PRDM16: variants seen among roughly 807,000 people sequenced by gnomAD.
The protein encoded by PRDM16 is PR/SET domain 16.
Under a neutral mutation model 110.6 loss-of-function variants are expected in PRDM16, and 23 were observed. The observed-to-expected ratio is 0.21, with a 90% confidence interval of 0.15 to 0.29. The LOEUF (loss-of-function observed/expected upper bound fraction) is 0.29. PRDM16 is among the 10% of genes least tolerant of loss of function. PRDM16 has a pLI of 1.00. For synonymous variants in PRDM16, 799 were observed against 781.8 expected (o/e 1.02, Z -0.37); for missense variants, 1,615 against 1,794.3 (o/e 0.90, Z 1.81).
intron 1 of PRDM16, among the ~76,000 whole-genome samples, chr1:3,163,555 C>G (rs1372316227): frequency 6.6e-6 from 1 of 152,190 alleles, no homozygotes; most frequent in Non-Finnish European, 1.5e-5. Flanking sequence ...ACCGGGTACC[C>G]CAGCCTGAGT....
At chr1:3,181,067 CACACCCGGTCTT>C (rs1168724607) in intron 1 of PRDM16, among the ~76,000 whole-genome samples, 7 of 147,060 alleles carry the variant, frequency 4.8e-5, no homozygotes, top group Admixed American at 1.4e-4. Context: ...CGCGGTCTTA[CACACCCGGTCTT>C]ACACACGGCC....
At chr1:3,395,561 C>T (rs1277845237) in intron 4 of PRDM16, among the ~76,000 whole-genome samples, 1 of 152,176 alleles carries the variant, frequency 6.6e-6, no homozygotes, top group Non-Finnish European at 1.5e-5. Flanking sequence ...GCAGGGTGGG[C>T]AGTGACTCCC....
chr1:3,181,733 CTTACACACGG>C (rs1212154754), intron 1 of PRDM16, among the ~76,000 whole-genome samples: 32 of 147,534 alleles, frequency 2.2e-4, no homozygotes, highest in African/African-American at 3.8e-4. Context: ...TACACACGGT[CTTACACACGG>C]AGTCTTACAC....
At position 3,300,189 on chromosome 1, in the gene PRDM16, C is replaced by T. The variant is rs1171724561; in HGVS notation, c.438+56052C>T. Among the ~76,000 whole-genome samples the T allele has an allele frequency of 2.0e-5, 2 of 100,708 alleles. 1 individual carries two copies. The highest frequency in any genetic ancestry group is 4.5e-5 in the Non-Finnish European group (2 of 44,408). The allele number at this position is 100,708 out of a possible 152,430, so 66.1% of individuals were successfully genotyped here. A position where few individuals can be genotyped will look rare whatever the true frequency, so the allele number is the denominator to read the frequency against. ...AGATCCCAGTCGTGGTGACTCTGCC[C>T]TTGTTGAAGATGCTATGCTGTGGCA... On this transcript the variant is annotated intron_variant, in intron 3 of 16. Transcript: ENST00000270722.
At chr1:3,210,717 C>T (rs982307842) in intron 2 of PRDM16, among the ~76,000 whole-genome samples, 1 of 152,226 alleles carries the variant, frequency 6.6e-6, no homozygotes, top group Admixed American at 6.5e-5. Context: ...TATTCATTCA[C>T]AAGATATACA....
At chr1:3,099,223 C>A (rs891936828) in intron 1 of PRDM16, among the ~76,000 whole-genome samples, 3 of 152,210 alleles carry the variant, frequency 2.0e-5, no homozygotes, top group South Asian at 2.1e-4. Flanking sequence ...GTGGACTGCC[C>A]GTCTGACCAA....
chr1:3,412,804 T>C lies in PRDM16; in HGVS notation c.2603+4T>C. On this transcript the variant is annotated splice_donor_region_variant and intron_variant, in intron 9 of 16. Coordinates refer to ENST00000270722, the MANE Select transcript of PRDM16 (RefSeq NM_022114.4). ...TCTTCATGGACCCCATCTACAGGTA[T>C]TCAGCACCCCAGCCTCACTGGCTCT... is the stretch of plus-strand genomic sequence containing the variant. The C allele has an allele frequency of 6.9e-7, 1 of 1,451,386 alleles. No homozygotes were observed. The highest frequency in any genetic ancestry group is 9.1e-7 in the Non-Finnish European group (1 of 1,102,118). The allele number at this position is 1,451,386 out of a possible 1,614,324, so 89.9% of individuals were successfully genotyped here.
chr1:3,141,659 C>T (rs1432178762), intron 1 of PRDM16, among the ~76,000 whole-genome samples: 2 of 152,218 alleles, frequency 1.3e-5, no homozygotes, highest in Non-Finnish European at 2.9e-5. Flanking sequence ...TCATATGTGG[C>T]CACAGTGGCT....
intron 3 of PRDM16, among the ~76,000 whole-genome samples, chr1:3,249,018 G>C (rs1373414489): frequency 2.0e-5 from 3 of 152,202 alleles, no homozygotes; most frequent in Non-Finnish European, 4.4e-5. Flanking sequence ...CACACCCTGA[G>C]GTCTAAACGC....
intron 3 of PRDM16, among the ~76,000 whole-genome samples, chr1:3,256,416 G>A (rs1468635994): frequency 1.3e-5 from 2 of 152,170 alleles, no homozygotes; most frequent in Non-Finnish European, 2.9e-5. Flanking sequence ...ATAATAACGG[G>A]CTGATACTCG....
At chr1:3,211,359 A>G (rs1422165630) in intron 2 of PRDM16, among the ~76,000 whole-genome samples, 1 of 152,222 alleles carries the variant, frequency 6.6e-6, no homozygotes, top group East Asian at 1.9e-4. Context: ...TGTCCACCTG[A>G]AAGTTGAGAT....
At chr1:3,262,980 C>T (rs1368182464) in intron 3 of PRDM16, among the ~76,000 whole-genome samples, 1 of 152,164 alleles carries the variant, frequency 6.6e-6, no homozygotes, top group African/African-American at 2.4e-5. Context: ...TCCGGCAGGG[C>T]CATAGAGAGG....
At chr1:3,187,372 G>A (rs951042286) in intron 2 of PRDM16, among the ~76,000 whole-genome samples, 4 of 152,222 alleles carry the variant, frequency 2.6e-5, no homozygotes, top group East Asian at 1.9e-4. Flanking sequence ...TGGAGTGCCC[G>A]GATGGAGGTG....
At position 3,390,905 on chromosome 1, in the gene PRDM16, G is replaced by A. The variant is rs1307093466; in HGVS notation, c.574-5586G>A. On this transcript the variant is annotated intron_variant, in intron 4 of 16. Coordinates refer to ENST00000270722, the MANE Select transcript of PRDM16 (RefSeq NM_022114.4). This position sits in a 1 kb window ranked among gnomAD's most constrained non-coding sequence, Gnocchi z 5.0. ...GGCCAGAGTGCAATAGCACAATCTC[G>A]GCTCACTGCAACCTCCGCCTCCCGG... is the stretch of plus-strand genomic sequence containing the variant. Among the ~76,000 whole-genome samples the A allele has an allele frequency of 6.7e-6, 1 of 149,082 alleles. No homozygotes were observed. The highest frequency in any genetic ancestry group is 1.5e-5 in the Non-Finnish European group (1 of 67,648).
chr1:3,097,761 G>C (rs1321328890), intron 1 of PRDM16, among the ~76,000 whole-genome samples: 2 of 152,200 alleles, frequency 1.3e-5, no homozygotes, highest in African/African-American at 4.8e-5. Flanking sequence ...CAGGAAGCCA[G>C]GTGTGAGGGG....
intron 3 of PRDM16, among the ~76,000 whole-genome samples, chr1:3,367,308 A>C (rs1642833253): frequency 6.6e-6 from 1 of 152,062 alleles, no homozygotes; most frequent in Non-Finnish European, 1.5e-5. Flanking sequence ...AAGCATCTTT[A>C]GTGTTTGCGG....
At chr1:3,107,393 G>A (rs1319545126) in intron 1 of PRDM16, among the ~76,000 whole-genome samples, 1 of 152,170 alleles carries the variant, frequency 6.6e-6, no homozygotes, top group African/African-American at 2.4e-5. Context: ...TTTACAGTGT[G>A]AAGCTTAGGG....
intron 1 of PRDM16, among the ~76,000 whole-genome samples, chr1:3,169,932 C>G (rs2651935): frequency 6.6e-6 from 1 of 152,210 alleles, no homozygotes; most frequent in Non-Finnish European, 1.5e-5. Flanking sequence ...GCGGCCCGCG[C>G]GCTCCGAGTA....
intron 2 of PRDM16, among the ~76,000 whole-genome samples, chr1:3,242,221 G>A (rs931763992): frequency 2.0e-5 from 3 of 152,224 alleles, no homozygotes; most frequent in African/African-American, 7.2e-5. Context: ...GTCTGCACAG[G>A]TGCCTGTGAC....
Sources: gnomAD v4.1 joint callset for allele counts (sites outside exome capture counted in the v4.1 genomes callset) on GRCh38, gnomAD v4.1.1 for gene constraint, Gnocchi (gnomAD v3.1) non-coding constraint, MANE v1.5 for transcripts, NCBI Gene and HGNC (gene_info 2026-07-23, HGNC 2026-07-21) for gene names.